The following PEX7 variants were observed in gnomAD, a reference collection of about 807,000 sequenced individuals.
The protein encoded by PEX7 is peroxisomal biogenesis factor 7.
In PEX7, 34 loss-of-function variants were observed where a neutral mutation model predicts 47.5. The observed-to-expected ratio is 0.72, with a 90% CI of 0.54 to 0.95. The LOEUF (loss-of-function observed/expected upper bound fraction) is 0.95. Among genes scored for constraint, PEX7 ranks in the 40% least tolerant of loss-of-function variants. The probability of loss-of-function intolerance (pLI) is 0.00; values close to 1 mark genes in which losing one functional copy is unlikely to be tolerated. For synonymous variants in PEX7, 141 were observed against 148.8 expected (o/e 0.95, Z 0.38); for missense variants, 394 against 400.3 (o/e 0.98, Z 0.13).
At chr6:136,858,403 AG>A (rs1231477351) in intron 5 of PEX7, among the ~76,000 whole-genome samples, 2 of 152,192 alleles carry the variant, frequency 1.3e-5, no homozygotes, top group Non-Finnish European at 2.9e-5. Flanking sequence ...TTGGAGCTCT[AG>A]GGTAATTTGC....
At chr6:136,823,249 G>A in intron 1 of PEX7, 1 of 985,398 alleles carries the variant, frequency 1.0e-6, no homozygotes. Context: ...ACTGAGCTGC[G>A]ACCTGCGGGC....
intron 8 of PEX7, among the ~76,000 whole-genome samples, chr6:136,882,340 G>A (rs1192774350): frequency 6.6e-6 from 1 of 151,824 alleles, no homozygotes; most frequent in East Asian, 1.9e-4. Context: ...ACCACACCCA[G>A]CTAATCTTTG....
At chr6:136,851,946 T>C (rs1774764794) in intron 5 of PEX7, among the ~76,000 whole-genome samples, 1 of 81,500 alleles carries the variant, frequency 1.2e-5, no homozygotes. Flanking sequence ...TCCCATGTTG[T>C]AGGTTGCCTG....
intron 8 of PEX7, among the ~76,000 whole-genome samples, chr6:136,882,292 C>G (rs1337795506): frequency 6.6e-6 from 1 of 151,090 alleles, no homozygotes; most frequent in African/African-American, 2.4e-5. Flanking sequence ...ATTCTCCCAC[C>G]TTAGCCTCCT....
At chr6:136,884,410 G>A (rs1775431580) in intron 8 of PEX7, among the ~76,000 whole-genome samples, 1 of 152,088 alleles carries the variant, frequency 6.6e-6, no homozygotes, top group Admixed American at 6.6e-5. Context: ...TTAATTTTTA[G>A]GACTGATAAC....
chr6:136,894,650 A>G (rs1246340319), intron 8 of PEX7, among the ~76,000 whole-genome samples: 1 of 152,222 alleles, frequency 6.6e-6, no homozygotes, highest in Non-Finnish European at 1.5e-5. Context: ...AGTGCTGTAT[A>G]CTTGCATTGT....
Position 136,838,237 on chromosome 6 carries a change from T to C in PEX7, c.340-7378T>C, listed in dbSNP as rs544670442. Among the ~76,000 whole-genome samples, 5 of 152,300 alleles carry C rather than the reference T, an allele frequency of 3.3e-5. 1 individual carries two copies. In the East Asian group the frequency reaches 9.6e-4, roughly 29 times the overall value. On this transcript the variant is annotated intron_variant, in intron 3 of 9. Coordinates refer to ENST00000318471, the MANE Select transcript of PEX7 (RefSeq NM_000288.4). ...ACCAGAAATTATATGCCTCCTAATA[T>C]AATTGGAAGCTAAAAAACATGAACT...
chr6:136,891,552 AAC>A (rs1252576285), intron 8 of PEX7, among the ~76,000 whole-genome samples: 2 of 152,194 alleles, frequency 1.3e-5, no homozygotes, highest in African/African-American at 2.4e-5. Context: ...AAAACCAAAA[AAC>A]AGTTTTTAAT....
At chr6:136,854,947 G>A (rs13220415) in intron 5 of PEX7, among the ~76,000 whole-genome samples, 14,892 of 152,064 alleles carry the variant, frequency 0.098, 829 homozygotes, top group Admixed American at 0.14. Context: ...AATTAGCCGG[G>A]CATGGTGGCA....
At chr6:136,830,451 G>T (rs1582735498) in intron 3 of PEX7, among the ~76,000 whole-genome samples, 2 of 152,132 alleles carry the variant, frequency 1.3e-5, no homozygotes, top group African/African-American at 4.8e-5. Context: ...TTGGTGAAAT[G>T]AAAAGAAAGA....
At chr6:136,879,507 A>C (rs1341999709) in intron 8 of PEX7, among the ~76,000 whole-genome samples, 5 of 151,804 alleles carry the variant, frequency 3.3e-5, no homozygotes, top group African/African-American at 4.8e-5. Flanking sequence ...ACTCTCTTTT[A>C]CTTGTAAGTT....
chr6:136,837,361 C>CAAAAAAAAAAAAAAA (rs58922622), intron 3 of PEX7, among the ~76,000 whole-genome samples: 35,539 of 79,838 alleles, frequency 0.45, 9,366 homozygotes, highest in Non-Finnish European at 0.53. Flanking sequence ...GAGTCTGTCA[C>CAAAAAAAAAAAAAAA]AAAAAAAAAA....
chr6:136,835,650 T>G (rs542484054), intron 3 of PEX7, among the ~76,000 whole-genome samples: 1 of 152,300 alleles, frequency 6.6e-6, no homozygotes, highest in Admixed American at 6.5e-5. Flanking sequence ...GACATCAGTA[T>G]TATTTAAAGA....
chr6:136,854,029 C>T lies in PEX7; in HGVS notation c.526+7848C>T, dbSNP rs570064085. ...TATTTTTTCTTCTTATGTTGCCTTTCCCAAGCCTGCATCCTTCTTTGGTCT... is the reference window on the plus strand; with the variant it reads ...TATTTTTTCTTCTTATGTTGCCTTTTCCAAGCCTGCATCCTTCTTTGGTCT... On this transcript the variant is annotated intron_variant, in intron 5 of 9. Transcript: ENST00000318471. 2.0e-3 allele frequency among the ~76,000 whole-genome samples: 297 copies of T among 152,024 alleles called. 3 individuals are homozygous for T. The highest frequency in any genetic ancestry group is 6.4e-3 in the African/African-American group (266 of 41,448).
At chr6:136,823,179 T>TGAGCCAGAACC (rs1164458813) in intron 1 of PEX7, 1 of 985,308 alleles carries the variant, frequency 1.0e-6, no homozygotes, top group Non-Finnish European at 1.2e-6. Flanking sequence ...GAAGACGGTC[T>TGAGCCAGAACC]GAGCCAGAAC....
At chr6:136,844,977 G>A (rs1161064656) in intron 3 of PEX7, among the ~76,000 whole-genome samples, 1 of 152,204 alleles carries the variant, frequency 6.6e-6, no homozygotes, top group East Asian at 1.9e-4. Context: ...GTATAATTAT[G>A]CACATATTTT....
intron 1 of PEX7, 198 bp downstream of exon 1, chr6:136,822,993 C>CG (rs1774111063): frequency 5.3e-5 from 52 of 985,472 alleles, no homozygotes; most frequent in Non-Finnish European, 6.0e-5. Context: ...AAGCAGGAGT[C>CG]GATCTTCCAG....
chr6:136,902,521 T>A (rs989644910), intron 9 of PEX7, among the ~76,000 whole-genome samples: 1 of 152,226 alleles, frequency 6.6e-6, no homozygotes, highest in Non-Finnish European at 1.5e-5. Context: ...GGATAATTGC[T>A]GAGAAATGCT....
chr6:136,873,921 G>A (rs1775223840), intron 8 of PEX7, among the ~76,000 whole-genome samples: 1 of 152,080 alleles, frequency 6.6e-6, no homozygotes, highest in Non-Finnish European at 1.5e-5. Flanking sequence ...TGGCTATGAT[G>A]TATTATATTA....
Sources: allele counts gnomAD v4.1 joint callset (sites outside exome capture counted in the v4.1 genomes callset), GRCh38; gene constraint gnomAD v4.1.1; transcripts MANE v1.5; gene names NCBI Gene and HGNC (gene_info 2026-07-23, HGNC 2026-07-21).